Variants in CADM2 observed in about 807,000 individuals in gnomAD.
CADM2 encodes the protein cell adhesion molecule 2.
CADM2 carries 12 observed loss-of-function variants against 49.8 expected under a neutral mutation model. The observed-to-expected ratio is 0.24, with a 90% CI of 0.15 to 0.39. CADM2 has a LOEUF of 0.39. Ranked by LOEUF, CADM2 falls within the 10% of genes least tolerant of loss-of-function variation. The pLI, the probability that CADM2 is intolerant of heterozygous loss-of-function variation, is 1.00. For missense variants in CADM2, 378 were observed against 492.3 expected (o/e 0.77, Z 2.20); for synonymous variants, 214 against 175.4 (o/e 1.22, Z -1.74).
intron 1 of CADM2, among the ~76,000 whole-genome samples, chr3:85,364,865 CCTA>C (rs577478034): frequency 0.029 from 2,604 of 89,040 alleles, 76 homozygotes; most frequent in African/African-American, 0.068. Context: ...TATGCTTGTT[CCTA>C]CAACAACAAC....
intron 1 of CADM2, among the ~76,000 whole-genome samples, chr3:85,169,901 T>C (rs2040573828): frequency 6.6e-6 from 1 of 152,222 alleles, no homozygotes. Flanking sequence ...GATACCACTA[T>C]TTTAATGTGA....
At chr3:85,052,717 T>C (rs2035929345) in intron 1 of CADM2, among the ~76,000 whole-genome samples, 1 of 152,088 alleles carries the variant, frequency 6.6e-6, no homozygotes, top group South Asian at 2.1e-4. Flanking sequence ...AATTCCTAAT[T>C]TATATAACTT....
intron 1 of CADM2, among the ~76,000 whole-genome samples, chr3:85,455,003 G>A (rs1280764053): frequency 6.6e-6 from 1 of 152,180 alleles, no homozygotes; most frequent in Non-Finnish European, 1.5e-5. Flanking sequence ...GTGTGATAAG[G>A]ATTCATAGTT....
At chr3:85,695,952 A>G (rs900912301) in intron 1 of CADM2, among the ~76,000 whole-genome samples, 2 of 152,122 alleles carry the variant, frequency 1.3e-5, no homozygotes, top group African/African-American at 2.4e-5. Context: ...CATTCTGACT[A>G]GAGTAAGATA....
At chr3:85,355,090 A>T (rs1459765849) in intron 1 of CADM2, among the ~76,000 whole-genome samples, 2 of 152,056 alleles carry the variant, frequency 1.3e-5, no homozygotes, top group African/African-American at 4.8e-5. Flanking sequence ...AAAAACCCTC[A>T]TTGTGCACAC....
At chr3:85,104,753 T>A (rs1025060720) in intron 1 of CADM2, among the ~76,000 whole-genome samples, 2 of 152,160 alleles carry the variant, frequency 1.3e-5, no homozygotes, top group Non-Finnish European at 2.9e-5. Flanking sequence ...CATTGAGCAG[T>A]GGTTTGTAGT....
At chr3:85,331,789 G>A (rs920379620) in intron 1 of CADM2, among the ~76,000 whole-genome samples, 1 of 151,906 alleles carries the variant, frequency 6.6e-6, no homozygotes, top group Non-Finnish European at 1.5e-5. Context: ...ATTCATTACG[G>A]CCTGTCTTTT....
intron 1 of CADM2, among the ~76,000 whole-genome samples, chr3:85,652,829 G>A (rs1166319082): frequency 1.8e-5 from 2 of 113,924 alleles, no homozygotes; most frequent in Non-Finnish European, 3.3e-5. Context: ...CCAAGCTGGA[G>A]TGCAATGACA....
chr3:85,958,655 C>T (rs1194101329), intron 7 of CADM2, among the ~76,000 whole-genome samples: 2 of 151,840 alleles, frequency 1.3e-5, no homozygotes, highest in Non-Finnish European at 2.9e-5. Flanking sequence ...GCACAAATGC[C>T]CATCAATGAT....
intron 1 of CADM2, among the ~76,000 whole-genome samples, chr3:85,108,612 G>A (rs1205869496): frequency 6.6e-6 from 1 of 151,902 alleles, no homozygotes; most frequent in Admixed American, 6.6e-5. Flanking sequence ...ACAACAATAT[G>A]AATATACTTA....
intron 1 of CADM2, among the ~76,000 whole-genome samples, chr3:85,231,609 A>T (rs2042290418): frequency 6.6e-6 from 1 of 152,084 alleles, no homozygotes; most frequent in Admixed American, 6.6e-5. Flanking sequence ...CAGTTCTAAA[A>T]ATAAAAGAGA....
intron 8 of CADM2, among the ~76,000 whole-genome samples, chr3:85,968,735 T>C (rs1452558013): frequency 6.6e-6 from 1 of 151,662 alleles, no homozygotes; most frequent in Non-Finnish European, 1.5e-5. Context: ...TACCAAAATG[T>C]ACAGAGCTCT....
chr3:86,045,050 C>G (rs1266596107), intron 8 of CADM2, among the ~76,000 whole-genome samples: 2 of 127,150 alleles, frequency 1.6e-5, no homozygotes, highest in South Asian at 2.9e-4. Flanking sequence ...AACACACGGG[C>G]CTGTCGTGGG....
chr3:85,979,374 T>C, intron 8 of CADM2: 1 of 1,420,432 alleles, frequency 7.0e-7, no homozygotes, highest in Non-Finnish European at 9.5e-7. Context: ...TGAGATTCAA[T>C]TTTACTTAAT....
chr3:85,153,470 T>G (rs964900271), intron 1 of CADM2, among the ~76,000 whole-genome samples: 5 of 152,142 alleles, frequency 3.3e-5, no homozygotes, highest in African/African-American at 4.8e-5. Context: ...TAGCACAGCA[T>G]TCTGAGATCA....
At chr3:85,785,488 G>A (rs562177606) in intron 2 of CADM2, among the ~76,000 whole-genome samples, 11 of 151,960 alleles carry the variant, frequency 7.2e-5, no homozygotes, top group Non-Finnish European at 1.2e-4. Context: ...TTGTAGTTGC[G>A]GTGCCCACTT....
chr3:85,543,205 C>A (rs1258974160), intron 1 of CADM2, among the ~76,000 whole-genome samples: 1 of 151,192 alleles, frequency 6.6e-6, no homozygotes, highest in Non-Finnish European at 1.5e-5. Flanking sequence ...GCCTCCTACA[C>A]CCATATCTAA....
chr3:85,185,482 A>T (rs1232282941), intron 1 of CADM2, among the ~76,000 whole-genome samples: 1 of 152,150 alleles, frequency 6.6e-6, no homozygotes, highest in African/African-American at 2.4e-5. Context: ...AAGCACTTAT[A>T]TGTAGCATTT....
At chr3:85,287,403 A>C (rs113595636) in intron 1 of CADM2, among the ~76,000 whole-genome samples, 3 of 152,084 alleles carry the variant, frequency 2.0e-5, no homozygotes, top group African/African-American at 7.2e-5. Context: ...ACAGTCTTAC[A>C]TGGCTGAGTT....
Sources: allele counts gnomAD v4.1 joint callset (sites outside exome capture counted in the v4.1 genomes callset), GRCh38; gene constraint gnomAD v4.1.1; transcripts MANE v1.5; gene names NCBI Gene and HGNC (gene_info 2026-07-23, HGNC 2026-07-21).